Variants in KDELR2 observed in about 807,000 individuals in gnomAD.
KDELR2 encodes ER lumen protein-retaining receptor 2.
Under a neutral mutation model 23.9 loss-of-function variants are expected in KDELR2, and 15 were observed. The ratio of observed to expected loss-of-function variants is 0.63; its 90% confidence interval spans 0.42 to 0.97. The LOEUF is 0.97. Among genes scored for constraint, KDELR2 ranks in the 50% least tolerant of loss-of-function variants. The probability of loss-of-function intolerance (pLI) is 0.00; values close to 1 mark genes in which losing one functional copy is unlikely to be tolerated. For synonymous variants in KDELR2, 119 were observed against 106.2 expected (o/e 1.12, Z -0.74); for missense variants, 272 against 254.6 (o/e 1.07, Z -0.46).
intron 1 of KDELR2, 31 bp downstream of exon 1, chr7:6,483,936 G>A (rs976221939): frequency 1.4e-6 from 2 of 1,458,644 alleles, no homozygotes; most frequent in Non-Finnish European, 1.8e-6. Context: ...CCCCACGCCC[G>A]AGCCTCTCCG....
At chr7:6,483,688 A>C (rs968784039) in intron 1 of KDELR2, among the ~76,000 whole-genome samples, 16 of 152,178 alleles carry the variant, frequency 1.1e-4, no homozygotes, top group African/African-American at 3.4e-4. Flanking sequence ...AACTTTTCAG[A>C]CACAGCAGGG....
intron 4 of KDELR2, among the ~76,000 whole-genome samples, chr7:6,465,711 T>C (rs375313853): frequency 5.9e-5 from 9 of 152,220 alleles, no homozygotes; most frequent in Middle Eastern, 6.8e-3. Flanking sequence ...CTGAAAATTA[T>C]GTAGATTTCT....
intron 1 of KDELR2, among the ~76,000 whole-genome samples, chr7:6,477,107 G>C (rs926112921): frequency 6.6e-6 from 1 of 152,256 alleles, no homozygotes; most frequent in Non-Finnish European, 1.5e-5. Flanking sequence ...CTGTGTCTCT[G>C]TGACTGTAAA....
At chr7:6,464,178 C>A (rs1476815819) in intron 4 of KDELR2, among the ~76,000 whole-genome samples, 5 of 112,238 alleles carry the variant, frequency 4.5e-5, no homozygotes, top group Admixed American at 1.1e-4. Context: ...GCCTGGGCAA[C>A]AAGAGCAAAA....
chr7:6,478,140 T>C (rs978664363), intron 1 of KDELR2, among the ~76,000 whole-genome samples: 3 of 151,970 alleles, frequency 2.0e-5, no homozygotes, highest in African/African-American at 7.2e-5. Context: ...GCTGTTCTTT[T>C]TTCTTTGCTT....
At chr7:6,479,346 G>C (rs1222241403) in intron 1 of KDELR2, among the ~76,000 whole-genome samples, 11 of 151,840 alleles carry the variant, frequency 7.2e-5, no homozygotes, top group Non-Finnish European at 1.3e-4. Context: ...GTAGAGACAG[G>C]GTTTCACCAT....
chr7:6,474,025 A>G (rs921218079), intron 2 of KDELR2, 159 bp downstream of exon 2: 4 of 519,732 alleles, frequency 7.7e-6, no homozygotes, highest in African/African-American at 7.7e-5. Context: ...AGTCCCAGTT[A>G]TATATACAAG....
intron 2 of KDELR2, among the ~76,000 whole-genome samples, chr7:6,473,926 G>A (rs1003080714): frequency 6.6e-6 from 1 of 152,120 alleles, no homozygotes; most frequent in African/African-American, 2.4e-5. Context: ...CATACTTAAG[G>A]AACCTAAAAT....
Position 6,462,956 on chromosome 7 carries a change from G to A in KDELR2, c.*185C>T. On this transcript the variant is annotated 3_prime_UTR_variant, in exon 5 of 5. Transcript: ENST00000258739. ...GTACACAGTAATAAAAAAAGATAAGGCAAGATGCATTAAACAGAAACCTTC... is the reference window on the plus strand; with the variant it reads ...GTACACAGTAATAAAAAAAGATAAGACAAGATGCATTAAACAGAAACCTTC... The A allele has an allele frequency of 6.2e-7, 1 of 1,607,146 alleles. No individual in the cohort carries two copies. The highest frequency in any genetic ancestry group is 8.5e-7 in the Non-Finnish European group (1 of 1,176,532).
intron 1 of KDELR2, among the ~76,000 whole-genome samples, chr7:6,477,989 A>G (rs1785791271): frequency 6.6e-6 from 1 of 152,206 alleles, no homozygotes; most frequent in African/African-American, 2.4e-5. Flanking sequence ...TAAACCAAAA[A>G]TAAGACATGA....
Position 6,466,227 on chromosome 7 carries a change from G to T in KDELR2, c.448C>A (p.His150Asn). 6.2e-7 allele frequency: 1 copy of T among 1,614,196 alleles called. No homozygotes were observed. The highest frequency in any genetic ancestry group is 8.5e-7 in the Non-Finnish European group (1 of 1,180,040). ...TAGAGGCCCAGGAAGAACAGGTAGTGGGTGGTGATGGTCTCGGCCTCCCCA... is the reference window on the plus strand; with the variant it reads ...TAGAGGCCCAGGAAGAACAGGTAGTTGGTGGTGATGGTCTCGGCCTCCCCA... ...KTGEAETITTHYLFFLGLYRA... is the reference protein window; with the variant it reads ...KTGEAETITTNYLFFLGLYRA... The change falls in exon 4 of 5, where the codon CAC becomes AAC. Residue 150 changes from histidine (H) to asparagine (N), a missense_variant. Transcript: ENST00000258739.
intron 1 of KDELR2, among the ~76,000 whole-genome samples, chr7:6,482,076 C>G (rs1046795448): frequency 1.3e-5 from 2 of 152,032 alleles, no homozygotes; most frequent in African/African-American, 2.4e-5. Context: ...GATCTCAGCT[C>G]ACCGCAATCT....
intron 1 of KDELR2, among the ~76,000 whole-genome samples, chr7:6,479,969 C>T (rs1205695404): frequency 6.6e-6 from 1 of 152,186 alleles, no homozygotes; most frequent in African/African-American, 2.4e-5. Context: ...ACATCTTACC[C>T]ACTATATTAC....
intron 2 of KDELR2, among the ~76,000 whole-genome samples, chr7:6,471,033 T>C (rs1428975164): frequency 6.6e-6 from 1 of 151,006 alleles, no homozygotes; most frequent in Non-Finnish European, 1.5e-5. Flanking sequence ...AGGAGAATGG[T>C]GTGAACCCAG....
At chr7:6,468,685 T>G (rs1391534479) in intron 3 of KDELR2, among the ~76,000 whole-genome samples, 1 of 151,758 alleles carries the variant, frequency 6.6e-6, no homozygotes, top group Non-Finnish European at 1.5e-5. Flanking sequence ...TTTTGTATTT[T>G]TAGTAGAGAC....
chr7:6,481,331 C>T (rs1583322189), intron 1 of KDELR2, among the ~76,000 whole-genome samples: 2 of 145,250 alleles, frequency 1.4e-5, no homozygotes, highest in South Asian at 4.3e-4. Flanking sequence ...CACCATTGCG[C>T]TCCAGCCTGG....
At chr7:6,470,723 C>G (rs1785614765) in intron 2 of KDELR2, among the ~76,000 whole-genome samples, 2 of 152,094 alleles carry the variant, frequency 1.3e-5, no homozygotes, top group Admixed American at 1.3e-4. Flanking sequence ...ACATATACTT[C>G]TTGATTTAAT....
rs1562498518 is a variant in KDELR2 at position 6,466,210 on chromosome 7, C to T, written c.465G>A (p.Leu155=). Residue 155 remains leucine, a synonymous_variant, in exon 4 of 5, where the codon CTG becomes CTA. Coordinates refer to ENST00000258739, the MANE Select transcript of KDELR2 (RefSeq NM_006854.4). ...ETITTHYLFF[L]GLYRALYLVN... ...CAAGATACAAAGCACGATAGAGGCC[C>T]AGGAAGAACAGGTAGTGGGTGGTGA... 1 of 1,614,014 alleles carries T rather than the reference C, an allele frequency of 6.2e-7. No homozygotes were observed. Among genetic ancestry groups the T allele is most frequent in the Admixed American group, 1.7e-5 (1 of 59,984 alleles).
Position 6,462,516 on chromosome 7 carries a change from T to C in KDELR2, c.*625A>G, listed in dbSNP as rs1785410177. 6.3e-6 allele frequency: 1 copy of C among 159,552 alleles called. No individual in the cohort carries two copies. Among genetic ancestry groups the C allele is most frequent in the South Asian group, 1.8e-4 (1 of 5,574 alleles). 9.9% of individuals were successfully genotyped at this position (159,552 alleles called of 1,614,324 possible). On this transcript the variant is annotated 3_prime_UTR_variant, in exon 5 of 5. Coordinates refer to ENST00000258739, the MANE Select transcript of KDELR2 (RefSeq NM_006854.4). The stretch of plus-strand genomic sequence containing the variant: ...AGTGAGACTCCATCGACATTCAGAA[T>C]CTTAAAATGTTGGTAATGAAAACCA...
Sources: allele counts gnomAD v4.1 joint callset (sites outside exome capture counted in the v4.1 genomes callset), GRCh38; gene constraint gnomAD v4.1.1; transcripts MANE v1.5; gene names NCBI Gene and HGNC (gene_info 2026-07-23, HGNC 2026-07-21).